SLC9C1: variants seen among roughly 807,000 people sequenced by gnomAD.
The protein encoded by SLC9C1 is sodium/hydrogen exchanger 10.
A neutral mutation model predicts 140.9 loss-of-function variants in SLC9C1; 97 were observed. The ratio of observed to expected loss-of-function variants is 0.69; its 90% confidence interval spans 0.58 to 0.82. The LOEUF (loss-of-function observed/expected upper bound fraction) is 0.82. SLC9C1 is among the 40% of genes least tolerant of loss of function. The probability of loss-of-function intolerance (pLI) is 0.00; values close to 1 mark genes in which losing one functional copy is unlikely to be tolerated. For synonymous variants in SLC9C1, 440 were observed against 442.6 expected, an observed-to-expected ratio of 0.99 and a Z score of 0.07; for missense variants, 1,340 against 1,389.3, an observed-to-expected ratio of 0.96 and a Z score of 0.56.
intron 28 of SLC9C1, among the ~76,000 whole-genome samples, chr3:112,143,031 C>T (rs951298600): frequency 2.0e-5 from 3 of 152,152 alleles, no homozygotes; most frequent in African/African-American, 2.4e-5. Context: ...TAATGGGTTT[C>T]AGCTGCATCC....
At position 112,183,349 on chromosome 3, in the gene SLC9C1, CTTTT is replaced by C. The variant is rs200437815; in HGVS notation, c.2524-1095_2524-1092del. ...ACGACAATGATATTTAGCACCTTTTCTTTTTTTTTTTTTTTTTTTTTCAGCCAAT... is the reference window on the plus strand; with the variant it reads ...ACGACAATGATATTTAGCACCTTTTCTTTTTTTTTTTTTTTTTCAGCCAAT... On this transcript the variant is annotated intron_variant, in intron 20 of 28. Coordinates refer to ENST00000305815, the MANE Select transcript of SLC9C1 (RefSeq NM_183061.3). Among the ~76,000 whole-genome samples, 19 of 95,402 alleles carry C rather than the reference CTTTT, an allele frequency of 2.0e-4. 2 individuals are homozygous for C. The highest frequency in any genetic ancestry group is 1.3e-3 in the East Asian group (5 of 3,962). The allele number at this position is 95,402 out of a possible 152,430, so 62.6% of individuals were successfully genotyped here.
chr3:112,150,840 ATT>A (rs1180027200), intron 28 of SLC9C1, among the ~76,000 whole-genome samples: 1,590 of 57,148 alleles, frequency 0.028, 29 homozygotes, highest in African/African-American at 0.11. Context: ...ATATATATAT[ATT>A]TTTTTTTTTT....
chr3:112,155,173 G>A, intron 26 of SLC9C1, 124 bp from the exon 27 acceptor site: 1 of 693,282 alleles, frequency 1.4e-6, no homozygotes, highest in Non-Finnish European at 2.2e-6. Flanking sequence ...TGAAATTGGT[G>A]GTAATCTCAT....
At chr3:112,204,048 T>C (rs2077977092) in intron 17 of SLC9C1, among the ~76,000 whole-genome samples, 170 bp downstream of exon 17, 2 of 151,984 alleles carry the variant, frequency 1.3e-5, no homozygotes, top group Non-Finnish European at 2.9e-5. Flanking sequence ...TTGGGATGTT[T>C]GTAATATGAA....
At chr3:112,197,793 C>T (rs1050344496) in intron 20 of SLC9C1, among the ~76,000 whole-genome samples, 1 of 152,022 alleles carries the variant, frequency 6.6e-6, no homozygotes, top group Non-Finnish European at 1.5e-5. Context: ...AAGTAAAATC[C>T]TTAACTCCCT....
At chr3:112,253,816 T>C (rs1422274330) in intron 10 of SLC9C1, among the ~76,000 whole-genome samples, 2 of 152,152 alleles carry the variant, frequency 1.3e-5, no homozygotes, top group African/African-American at 4.8e-5. Flanking sequence ...AGAATGTGGA[T>C]AGTAATGAAT....
intron 26 of SLC9C1, among the ~76,000 whole-genome samples, chr3:112,158,769 T>G (rs989095290): frequency 1.3e-5 from 2 of 151,884 alleles, no homozygotes; most frequent in African/African-American, 2.4e-5. Context: ...GTCCAGGAAT[T>G]TATCCATTTC....
At chr3:112,279,178 AC>A (rs2080295287) in intron 3 of SLC9C1, among the ~76,000 whole-genome samples, 1 of 152,162 alleles carries the variant, frequency 6.6e-6, no homozygotes, top group Non-Finnish European at 1.5e-5. Flanking sequence ...ATATTCACTT[AC>A]TAGGGAAACA....
chr3:112,157,781 A>G (rs1283822275), intron 26 of SLC9C1, among the ~76,000 whole-genome samples: 1 of 146,128 alleles, frequency 6.8e-6, no homozygotes, highest in Non-Finnish European at 1.5e-5. Context: ...TTTTGTAGCT[A>G]TTGTAAATAG....
intron 6 of SLC9C1, among the ~76,000 whole-genome samples, chr3:112,273,616 T>C (rs2080136261): frequency 6.6e-6 from 1 of 152,106 alleles, no homozygotes; most frequent in Admixed American, 6.5e-5. Flanking sequence ...AGAATATTCT[T>C]CACTTCGGAG....
At chr3:112,276,525 C>G (rs1301014205) in intron 5 of SLC9C1, among the ~76,000 whole-genome samples, 1 of 151,840 alleles carries the variant, frequency 6.6e-6, no homozygotes, top group African/African-American at 2.4e-5. Context: ...TGGAAAGATA[C>G]AGGGAGGAGA....
Position 112,151,889 on chromosome 3 carries a change from C to G in SLC9C1, c.3492G>C (p.Lys1164Asn). The change falls in exon 28 of 29, where the codon AAG becomes AAC. Residue 1164 changes from lysine to asparagine, a missense_variant. Physicochemically the swap from Lys to Asn is moderately conservative, Grantham distance 94. Coordinates refer to ENST00000305815, the MANE Select transcript of SLC9C1 (RefSeq NM_183061.3). Reference sequence around the variant, plus strand: ...TCCTTAGGTTTATTCTAGGGGACTCCTTACAGTTGAACTTTGTCCCCAGCA... The same window carrying G: ...TCCTTAGGTTTATTCTAGGGGACTCGTTACAGTTGAACTTTGTCCCCAGCA... ...CSLLGTKFNC[K>N]ESPRINLRKV... The G allele has an allele frequency of 6.2e-7, 1 of 1,611,858 alleles. No individual in the cohort carries two copies. The highest frequency in any genetic ancestry group is 2.2e-5 in the East Asian group (1 of 44,822).
chr3:112,182,039 ATATT>A (rs1287436166), intron 21 of SLC9C1, 90 bp downstream of exon 21: 1 of 990,340 alleles, frequency 1.0e-6, no homozygotes, highest in African/African-American at 1.7e-5. Context: ...CATTTAGAGA[ATATT>A]AAACTAGAGA....
chr3:112,287,142 C>G (rs2080532635), intron 1 of SLC9C1, among the ~76,000 whole-genome samples: 1 of 152,166 alleles, frequency 6.6e-6, no homozygotes, highest in East Asian at 1.9e-4. Context: ...ATCCAACTGT[C>G]TGAAAGAAGG....
At chr3:112,284,985 C>CTTT (rs61428176) in intron 2 of SLC9C1, among the ~76,000 whole-genome samples, 29,010 of 103,670 alleles carry the variant, frequency 0.28, 6,193 homozygotes, top group African/African-American at 0.34. Context: ...TACAATTTTT[C>CTTT]TTTTTTTTTT....
rs565144022 is a variant in SLC9C1, at chr3:112,248,046, G to A, written c.1198-3970C>T. On this transcript the variant is annotated intron_variant, in intron 10 of 28. Transcript: ENST00000305815. ...AGGTTATAAAAAGACCGTGGCTTCCGTCTTGAGGGTTTGCTCTCTCTAGCT... is the reference window on the plus strand; with the variant it reads ...AGGTTATAAAAAGACCGTGGCTTCCATCTTGAGGGTTTGCTCTCTCTAGCT... 9.9e-5 allele frequency among the ~76,000 whole-genome samples: 15 copies of A among 152,254 alleles called. No homozygotes were observed. The East Asian group carries it at 1.5e-3, about 16-fold the overall frequency.
At chr3:112,254,085 A>G (rs1397200476) in intron 10 of SLC9C1, among the ~76,000 whole-genome samples, 1 of 152,200 alleles carries the variant, frequency 6.6e-6, no homozygotes, top group Non-Finnish European at 1.5e-5. Context: ...AAAATATGGG[A>G]TTATGTAAAG....
intron 14 of SLC9C1, among the ~76,000 whole-genome samples, chr3:112,218,529 A>G (rs1560083186): frequency 1.3e-5 from 2 of 152,238 alleles, no homozygotes; most frequent in Non-Finnish European, 2.9e-5. Flanking sequence ...AATATGCGGT[A>G]AATAAATGGA....
At chr3:112,288,530 G>A (rs564462399) in intron 1 of SLC9C1, among the ~76,000 whole-genome samples, 43 of 152,354 alleles carry the variant, frequency 2.8e-4, no homozygotes, top group African/African-American at 1.0e-3. Context: ...GCCAAGATGG[G>A]AGGATCCCTT....
Sources: allele counts gnomAD v4.1 joint callset (sites outside exome capture counted in the v4.1 genomes callset), GRCh38; gene constraint gnomAD v4.1.1; transcripts MANE v1.5; gene names NCBI Gene and HGNC (gene_info 2026-07-23, HGNC 2026-07-21).